Variants in COL4A2 observed in about 807,000 individuals in gnomAD.
COL4A2 encodes the protein collagen type IV alpha 2 chain, also known as collagen alpha-2(IV) chain.
In COL4A2, 99 loss-of-function variants were observed where a neutral mutation model predicts 200.2. The ratio of observed to expected loss-of-function variants is 0.49; its 90% CI spans 0.42 to 0.58. COL4A2 has a LOEUF of 0.58. Ranked by LOEUF, COL4A2 falls within the 20% of genes least tolerant of loss-of-function variation. The probability of loss-of-function intolerance (pLI) is 0.00; values close to 1 mark genes in which losing one functional copy is unlikely to be tolerated. For synonymous variants in COL4A2, 897 were observed against 900.6 expected (o/e 1.00, Z 0.07); for missense variants, 1,950 against 2,314.1 (o/e 0.84, Z 3.23).
chr13:110,503,638 A>C (rs1199734183), intron 43 of COL4A2, among the ~76,000 whole-genome samples, 157 bp downstream of exon 43: 1 of 152,184 alleles, frequency 6.6e-6, no homozygotes, highest in Non-Finnish European at 1.5e-5. Flanking sequence ...GGATGTTGTC[A>C]CAGGACCTTG....
At chr13:110,501,011 A>G (rs1177192609) in intron 40 of COL4A2, among the ~76,000 whole-genome samples, 1 of 152,244 alleles carries the variant, frequency 6.6e-6, no homozygotes, top group African/African-American at 2.4e-5. Context: ...TGTGTACAGT[A>G]TGAGCTGCAG....
intron 3 of COL4A2, among the ~76,000 whole-genome samples, chr13:110,356,700 C>T (rs1235295711): frequency 6.6e-6 from 1 of 152,146 alleles, no homozygotes; most frequent in African/African-American, 2.4e-5. Flanking sequence ...ACATGGAATC[C>T]AGATTCTCGG....
At position 110,482,526 on chromosome 13, in the gene COL4A2, C is replaced by T. The variant is rs1456277695; in HGVS notation, c.2769C>T (p.Gly923=). The part of the protein sequence containing the change: ...PGTPGLKGDR[G]SPGMDGFQGM... Reference sequence around the variant, plus strand: ...TCTTTTCCTCTGAAGGAGATAGAGGCTCACCTGGGATGGATGGTTTCCAAG... The same window carrying T: ...TCTTTTCCTCTGAAGGAGATAGAGGTTCACCTGGGATGGATGGTTTCCAAG... The change falls in exon 32 of 48, where the codon GGC becomes GGT. Residue 923 remains glycine (G), a synonymous_variant. Coordinates refer to ENST00000360467, the MANE Select transcript of COL4A2 (RefSeq NM_001846.4). The T allele has an allele frequency of 3.1e-6, 5 of 1,613,962 alleles. No individual in the cohort carries two copies. The highest frequency in any genetic ancestry group is 4.2e-6 in the Non-Finnish European group (5 of 1,179,944).
At chr13:110,473,321 C>G (rs1882555273) in intron 29 of COL4A2, 171 bp downstream of exon 29, 1 of 580,754 alleles carries the variant, frequency 1.7e-6, no homozygotes. Flanking sequence ...GTGTCTGTCA[C>G]AACACTGTGA....
Position 110,428,498 on chromosome 13 carries a change from G to T in COL4A2, c.392G>T (p.Arg131Met), listed in dbSNP as rs764008176. 6 of 1,584,798 alleles carry T rather than the reference G, an allele frequency of 3.8e-6. No individual in the cohort carries two copies. The highest frequency in any genetic ancestry group is 2.4e-5 in the East Asian group (1 of 41,580). The change falls in exon 7 of 48, where the codon AGG (arginine) becomes ATG (methionine). Residue 131 changes from arginine to methionine, a missense_variant. This residue lies in a region of COL4A2 where 565 missense variants were observed against 593.5 expected (regional missense o/e 0.95). Coordinates refer to ENST00000360467, the MANE Select transcript of COL4A2 (RefSeq NM_001846.4). ...CCGGGGCAAGGTGGGCCCAGGGGAA[G>T]GCCGGGCTACGATGGCTGCAACGGA... ...GHPGQGGPRG[R>M]PGYDGCNGTQ...
chr13:110,502,963 A>T, intron 41 of COL4A2, 158 bp from the exon 42 acceptor site: 1 of 691,496 alleles, frequency 1.4e-6, no homozygotes, highest in Non-Finnish European at 2.5e-6. Context: ...TTTATGTTCT[A>T]CGTATTTTAC....
chr13:110,451,129 T>C (rs1327110898), intron 20 of COL4A2, among the ~76,000 whole-genome samples: 1 of 152,182 alleles, frequency 6.6e-6, no homozygotes. Context: ...TCTTTCAGGT[T>C]ATAACGTTAG....
chr13:110,385,514 GGCCGTGGTT>G (rs1878669473), intron 4 of COL4A2, among the ~76,000 whole-genome samples: 2 of 148,156 alleles, frequency 1.3e-5, no homozygotes, highest in Non-Finnish European at 3.0e-5. Context: ...TGTGTGGATA[GGCCGTGGTT>G]ACAGTGCGTG....
At position 110,465,413 on chromosome 13, in the gene COL4A2, C is replaced by T. The variant is rs760298515; in HGVS notation, c.1785C>T (p.Gly595=). Reference sequence around the variant, plus strand: ...ACTGAATTTTCACACAGGGTGATGGCATCAAGGGCCCTCCAGGGGACCCAG... The same window carrying T: ...ACTGAATTTTCACACAGGGTGATGGTATCAAGGGCCCTCCAGGGGACCCAG... ...FPGLPGPPGD[G]IKGPPGDPGY... The change falls in exon 25 of 48, where the codon GGC becomes GGT. Residue 595 remains glycine, a synonymous_variant. Coordinates refer to ENST00000360467, the MANE Select transcript of COL4A2 (RefSeq NM_001846.4). The T allele has an allele frequency of 1.9e-6, 3 of 1,608,748 alleles. No individual in the cohort carries two copies. In the Admixed American group the frequency reaches 5.1e-5, roughly 27 times the overall value.
intron 4 of COL4A2, among the ~76,000 whole-genome samples, chr13:110,410,611 C>G (rs532486999): frequency 6.6e-6 from 1 of 152,138 alleles, no homozygotes; most frequent in Non-Finnish European, 1.5e-5. Context: ...GCGTCAAATT[C>G]GAAGCCACTT....
chr13:110,450,668 G>A (rs1594221927), intron 20 of COL4A2, among the ~76,000 whole-genome samples: 1 of 152,314 alleles, frequency 6.6e-6, no homozygotes, highest in Admixed American at 6.5e-5. Flanking sequence ...AGCCCTGTAA[G>A]CCTGTGAGTA....
chr13:110,509,871 A>T (rs912182767), intron 47 of COL4A2, among the ~76,000 whole-genome samples: 3 of 152,210 alleles, frequency 2.0e-5, no homozygotes, highest in African/African-American at 7.2e-5. Context: ...CTGAGAACAG[A>T]AAGTCCCCAT....
chr13:110,481,789 GC>G (rs1191003511), intron 31 of COL4A2, among the ~76,000 whole-genome samples: 1 of 56,888 alleles, frequency 1.8e-5, no homozygotes, highest in Non-Finnish European at 3.5e-5. Context: ...GAGACACACT[GC>G]TCTGTCCCTC....
At chr13:110,347,013 C>T (rs1876734413) in intron 3 of COL4A2, among the ~76,000 whole-genome samples, 1 of 152,212 alleles carries the variant, frequency 6.6e-6, no homozygotes. Context: ...CGTGTGCACA[C>T]CTGCCTTCCT....
chr13:110,454,511 C>T (rs1881646336), intron 20 of COL4A2, among the ~76,000 whole-genome samples: 1 of 152,152 alleles, frequency 6.6e-6, no homozygotes. Flanking sequence ...AGAGGGAGAG[C>T]TTGGAGACAG....
intron 40 of COL4A2, among the ~76,000 whole-genome samples, chr13:110,500,240 T>C (rs1341349776): frequency 6.6e-6 from 1 of 152,234 alleles, no homozygotes; most frequent in Non-Finnish European, 1.5e-5. Flanking sequence ...TTCTCATTTT[T>C]ATAGATTTGC....
At chr13:110,463,090 G>A (rs960021734) in intron 24 of COL4A2, 1 of 154,556 alleles carries the variant, frequency 6.5e-6, no homozygotes, top group Admixed American at 6.5e-5. Context: ...GGGCAGCTTA[G>A]ACATCAGAAA....
chr13:110,351,771 A>G (rs9301447), intron 3 of COL4A2, among the ~76,000 whole-genome samples: 43,011 of 151,938 alleles, frequency 0.28, 7,060 homozygotes, highest in African/African-American at 0.45. Flanking sequence ...TTGGCAAGGT[A>G]GGACTGCCTG....
At chr13:110,395,954 G>C (rs1879167742) in intron 4 of COL4A2, among the ~76,000 whole-genome samples, 1 of 152,138 alleles carries the variant, frequency 6.6e-6, no homozygotes. Flanking sequence ...CAAAATAAAA[G>C]TCCATTTCTA....
Sources: gnomAD v4.1 joint callset for allele counts (sites outside exome capture counted in the v4.1 genomes callset) on GRCh38, gnomAD v4.1.1 for gene constraint, gnomAD v4.1.1 regional missense constraint, MANE v1.5 for transcripts, NCBI Gene and HGNC (gene_info 2026-07-23, HGNC 2026-07-21) for gene names.